CSDE1: variants seen among roughly 807,000 people sequenced by gnomAD.
CSDE1 encodes cold shock domain containing E1, also known as cold shock domain-containing protein E1.
CSDE1 carries 17 observed loss-of-function variants against 89.3 expected under a neutral mutation model. The ratio of observed to expected loss-of-function variants is 0.19; its 90% CI spans 0.13 to 0.29. The LOEUF (loss-of-function observed/expected upper bound fraction) is 0.29. Ranked by LOEUF, CSDE1 falls within the 10% of genes least tolerant of loss-of-function variation. CSDE1 has a pLI of 1.00. For synonymous variants in CSDE1, 322 were observed against 332.8 expected (o/e 0.97, Z 0.35); for missense variants, 672 against 984.2 (o/e 0.68, Z 4.24).
intron 19 of CSDE1, 91 bp downstream of exon 19, chr1:114,718,518 CTTCA>C (rs2101002415): frequency 6.7e-7 from 1 of 1,488,464 alleles, no homozygotes. Flanking sequence ...AGTCTCCCTG[CTTCA>C]TTAAGTTTCC....
chr1:114,719,075 G>T, intron 18 of CSDE1: 1 of 251,806 alleles, frequency 4.0e-6, no homozygotes, highest in Non-Finnish European at 7.6e-6. Context: ...GCTTTGAGAG[G>T]ACAGGGCAGG....
At chr1:114,726,169 G>A (rs569528689) in intron 14 of CSDE1, 42 bp downstream of exon 14, 14 of 1,537,326 alleles carry the variant, frequency 9.1e-6, no homozygotes, top group Admixed American at 4.1e-5. Context: ...CCAAAGAATG[G>A]ATGGTAAGTT....
At chr1:114,744,050 G>C (rs1660878609) in intron 2 of CSDE1, among the ~76,000 whole-genome samples, 1 of 152,178 alleles carries the variant, frequency 6.6e-6, no homozygotes, top group South Asian at 2.1e-4. Flanking sequence ...AAGCAAAATG[G>C]AAGTTATCAC....
At position 114,727,000 on chromosome 1, in the gene CSDE1, GAGA is replaced by G. The variant is rs1462487558; in HGVS notation, c.1444_1446del (p.Ser482del). 3 of 1,611,414 alleles carry G rather than the reference GAGA, an allele frequency of 1.9e-6. No individual in the cohort carries two copies. The highest frequency in any genetic ancestry group is 2.5e-6 in the Non-Finnish European group (3 of 1,177,688). Reference sequence around the variant, plus strand: ...TATCTTGCCTTATCTCCTATTTGAGGAGAAGTAGATCCTTCCACATCCTTGGCT... The same window carrying G: ...TATCTTGCCTTATCTCCTATTTGAGGAGTAGATCCTTCCACATCCTTGGCT... On this transcript the variant is annotated inframe_deletion, in exon 13 of 20. Transcript: ENST00000358528.
At chr1:114,722,249 G>A (rs1659567497) in intron 16 of CSDE1, among the ~76,000 whole-genome samples, 1 of 152,196 alleles carries the variant, frequency 6.6e-6, no homozygotes, top group African/African-American at 2.4e-5. Flanking sequence ...AAGAGATCAA[G>A]TCATGGGAAG....
Position 114,720,681 on chromosome 1 carries a change from A to G in CSDE1, c.1910T>C (p.Val637Ala), listed in dbSNP as rs774809552. 3 of 1,614,190 alleles carry G rather than the reference A, an allele frequency of 1.9e-6. No homozygotes were observed. Among genetic ancestry groups the G allele is most frequent in the Non-Finnish European group, 2.5e-6 (3 of 1,180,028 alleles). Residue 637 changes from valine to alanine, a missense_variant, in exon 17 of 20, where the codon GTT (valine) becomes GCT (alanine). Around this residue, in one of 8 missense-constraint regions of CSDE1, gnomAD observed 206 missense variants for 332.4 expected, o/e 0.62. Transcript: ENST00000358528. ...GCAATCCCCTTTGTTGGCCATCCCA[A>G]CGATGCCAAATGGATAGACCTCACC... ...MKGEVYPFGI[V>A]GMANKGDCLQ...
At chr1:114,743,661 C>G (rs952948205) in intron 2 of CSDE1, among the ~76,000 whole-genome samples, 3 of 152,160 alleles carry the variant, frequency 2.0e-5, no homozygotes, top group African/African-American at 7.2e-5. Context: ...TTTTCTCACC[C>G]AAAGGGAGAC....
In CSDE1 at chr1:114,726,310, G is replaced by C. The variant is rs1181395556; in HGVS notation, c.1541C>G (p.Ser514Cys). The change falls in exon 14 of 20, where the codon TCT (serine) becomes TGT (cysteine). Residue 514 changes from serine to cysteine, a missense_variant. Around this residue, in one of 8 missense-constraint regions of CSDE1, gnomAD observed 108 missense variants for 105.0 expected, o/e 1.03. Transcript: ENST00000358528. ...ATAACCCAAGAGCCTCTTGGAGTTA[G>C]AATTACGACCTAAAAGTCGCACACA... Reference protein sequence around the residue: ...ATCVRLLGRNSNSKRLLGYVA... With the variant: ...ATCVRLLGRNCNSKRLLGYVA... The C allele has an allele frequency of 1.9e-6, 3 of 1,613,816 alleles. No homozygotes were observed. The highest frequency in any genetic ancestry group is 2.5e-6 in the Non-Finnish European group (3 of 1,179,884).
chr1:114,742,999 A>G (rs1660814905), intron 2 of CSDE1, among the ~76,000 whole-genome samples: 1 of 152,246 alleles, frequency 6.6e-6, no homozygotes, highest in South Asian at 2.1e-4. Context: ...CAGACACAGA[A>G]TTATAATTAC....
At chr1:114,733,697 G>C (rs1390680142) in intron 9 of CSDE1, 35 bp downstream of exon 9, 1 of 1,594,158 alleles carries the variant, frequency 6.3e-7, no homozygotes, top group Non-Finnish European at 8.6e-7. Context: ...TTACTACTGA[G>C]GCGAAATAGG....
intron 12 of CSDE1, among the ~76,000 whole-genome samples, chr1:114,728,749 T>C (rs1446049340): frequency 1.3e-5 from 2 of 152,218 alleles, no homozygotes; most frequent in East Asian, 3.8e-4. Context: ...TTTTAAACTA[T>C]TACACAATCA....
intron 2 of CSDE1, among the ~76,000 whole-genome samples, chr1:114,743,411 C>T (rs550218771): frequency 3.3e-5 from 5 of 152,240 alleles, no homozygotes; most frequent in Admixed American, 6.5e-5. Flanking sequence ...AGGCTGTTCT[C>T]GGAACTCCTG....
intron 2 of CSDE1, among the ~76,000 whole-genome samples, chr1:114,742,248 G>GC (rs1354208463): frequency 6.6e-6 from 1 of 152,118 alleles, no homozygotes; most frequent in African/African-American, 2.4e-5. Context: ...TGCCCGATAA[G>GC]GAGATATATA....
chr1:114,729,568 GA>G (rs1659994867), intron 12 of CSDE1, among the ~76,000 whole-genome samples: 1 of 145,276 alleles, frequency 6.9e-6, no homozygotes, highest in African/African-American at 2.6e-5. Flanking sequence ...GCTTCCTAAA[GA>G]AACCCTGAAT....
chr1:114,752,325 T>C (rs1451945262), intron 1 of CSDE1, among the ~76,000 whole-genome samples: 1 of 151,966 alleles, frequency 6.6e-6, no homozygotes, highest in Admixed American at 6.6e-5. Context: ...CCATTCTAGA[T>C]GGGAAGTTTT....
chr1:114,749,007 T>C, intron 2 of CSDE1, among the ~76,000 whole-genome samples: 1 of 152,202 alleles, frequency 6.6e-6, no homozygotes, highest in East Asian at 1.9e-4. Context: ...CGCAAAATTA[T>C]ATTCTCTACT....
chr1:114,730,966 A>G (rs1000174655), intron 10 of CSDE1, among the ~76,000 whole-genome samples: 2 of 152,260 alleles, frequency 1.3e-5, no homozygotes, highest in Admixed American at 6.5e-5. Flanking sequence ...TATAATCTCC[A>G]GAAACTTCAC....
rs1245156489 is a variant in CSDE1 at position 114,719,558 on chromosome 1, AACC to A, written c.2216+18_2216+20del. On this transcript the variant is annotated intron_variant, in intron 18 of 19. Coordinates refer to ENST00000358528, the MANE Select transcript of CSDE1 (RefSeq NM_001007553.3). The stretch of plus-strand genomic sequence containing the variant: ...GACACTCCAGGGTAGTTACTAATCA[AACC>A]ACAACAACAAAACTCACCAGACTCG... 1.2e-6 allele frequency: 2 copies of A among 1,609,376 alleles called. No homozygotes were observed. Among genetic ancestry groups the A allele is most frequent in the Admixed American group, 3.4e-5 (2 of 58,764 alleles).
intron 2 of CSDE1, among the ~76,000 whole-genome samples, chr1:114,740,241 A>G (rs1324633342): frequency 6.6e-6 from 1 of 152,220 alleles, no homozygotes; most frequent in Non-Finnish European, 1.5e-5. Context: ...GGTAATTAAT[A>G]TTAAGAGACA....
Sources: allele counts gnomAD v4.1 joint callset (sites outside exome capture counted in the v4.1 genomes callset), GRCh38; gene constraint gnomAD v4.1.1; regional missense constraint gnomAD v4.1.1; transcripts MANE v1.5; gene names NCBI Gene and HGNC (gene_info 2026-07-23, HGNC 2026-07-21).